The following THEMIS2 variants were observed in gnomAD, a reference collection of about 807,000 sequenced individuals.
THEMIS2 encodes the protein protein THEMIS2.
In THEMIS2, 29 loss-of-function variants were observed where a neutral mutation model predicts 46.8. That is an observed-to-expected ratio of 0.62 (90% CI 0.46 to 0.84). The LOEUF (loss-of-function observed/expected upper bound fraction) is 0.84. THEMIS2 is among the 40% of genes least tolerant of loss of function. The pLI is 0.00. For missense variants in THEMIS2, 698 were observed against 834.7 expected (o/e 0.84, Z 2.02); for synonymous variants, 335 against 349.1 (o/e 0.96, Z 0.45).
At chr1:27,884,632 CACA>C (rs1463390020) in intron 4 of THEMIS2, 1 of 152,434 alleles carries the variant, frequency 6.6e-6, no homozygotes, top group Non-Finnish European at 1.5e-5. Flanking sequence ...GCCCTGGAAC[CACA>C]ACTTTTCCCC....
Position 27,882,585 on chromosome 1 carries a change from C to T in THEMIS2, c.1261C>T (p.Leu421=). Residue 421 remains leucine (L), a synonymous_variant, in exon 4 of 6, where the codon CTG becomes TTG. Coordinates refer to ENST00000373921, the MANE Select transcript of THEMIS2 (RefSeq NM_001105556.3). This position sits in a 1 kb window ranked among gnomAD's most constrained non-coding sequence, Gnocchi z 7.6. ...GGAGGCAGAGAGCCCAGAGCGGGTC[C>T]TGCTGCCCTTCCACTTCCCTGGCAG... ...KEEAESPERV[L]LPFHFPGSFV... The T allele has an allele frequency of 6.2e-7, 1 of 1,614,190 alleles. No individual in the cohort carries two copies. The highest frequency in any genetic ancestry group is 1.3e-5 in the African/African-American group (1 of 75,042).
At chr1:27,885,252 C>A in intron 4 of THEMIS2, 43 bp from the exon 5 acceptor site, 1 of 1,604,896 alleles carries the variant, frequency 6.2e-7, no homozygotes, top group South Asian at 1.1e-5. Context: ...CTCTGCTTCC[C>A]CATTTCTTGA....
At position 27,882,615 on chromosome 1, in the gene THEMIS2, G is replaced by A. The variant is rs35995543; in HGVS notation, c.1291G>A (p.Val431Met). Residue 431 changes from valine to methionine, a missense_variant, in exon 4 of 6, where the codon GTG (valine) becomes ATG (methionine). By Grantham distance (21) the Val-to-Met change is conservative (BLOSUM62 1). Coordinates refer to ENST00000373921, the MANE Select transcript of THEMIS2 (RefSeq NM_001105556.3). This position sits in a 1 kb window ranked among gnomAD's most constrained non-coding sequence, Gnocchi z 7.6. ...GCCCTTCCACTTCCCTGGCAGTTTCGTGGAGGAGATGAGTGACAGCCGGCG... is the reference window on the plus strand; with the variant it reads ...GCCCTTCCACTTCCCTGGCAGTTTCATGGAGGAGATGAGTGACAGCCGGCG... Reference protein sequence around the residue: ...LLPFHFPGSFVEEMSDSRRYS... With the variant: ...LLPFHFPGSFMEEMSDSRRYS... The A allele has an allele frequency of 2.5e-6, 4 of 1,614,206 alleles. No homozygotes were observed. Among genetic ancestry groups the A allele is most frequent in the African/African-American group, 1.3e-5 (1 of 75,056 alleles).
rs2089511308 is a variant in THEMIS2 at position 27,872,819 on chromosome 1, C to A, written c.94+154C>A. Among the ~76,000 whole-genome samples the A allele has an allele frequency of 6.6e-6, 1 of 152,226 alleles. No homozygotes were observed. The highest frequency in any genetic ancestry group is 2.4e-5 in the African/African-American group (1 of 41,466). On this transcript the variant is annotated intron_variant, in intron 1 of 5. Coordinates refer to ENST00000373921, the MANE Select transcript of THEMIS2 (RefSeq NM_001105556.3). The surrounding 1 kb of genome is among the most constrained non-coding windows in gnomAD (Gnocchi z 4.9). ...TGTGTGATTTGGGGCCGCACTCAACCTCTTTGGACCTCGGCTTTTGCTTTC... is the reference window on the plus strand; with the variant it reads ...TGTGTGATTTGGGGCCGCACTCAACATCTTTGGACCTCGGCTTTTGCTTTC...
intron 1 of THEMIS2, among the ~76,000 whole-genome samples, chr1:27,875,185 GCCA>G (rs1557445443): frequency 6.6e-6 from 1 of 151,798 alleles, no homozygotes; most frequent in African/African-American, 2.4e-5. Flanking sequence ...CACCATGTTG[GCCA>G]GGCTGATCTC....
In THEMIS2 at chr1:27,872,563, G is replaced by A. The variant is rs1212756067; in HGVS notation, c.-9G>A. On this transcript the variant is annotated 5_prime_UTR_variant, in exon 1 of 6. Transcript: ENST00000373921. This position sits in a 1 kb window ranked among gnomAD's most constrained non-coding sequence, Gnocchi z 4.9. ...CCCCTCAGTCTGAGCCCAGAGAGCC[G>A]CGGGGACCATGGAGCCGGTGCCGCT... 11 of 1,485,176 alleles carry A rather than the reference G, an allele frequency of 7.4e-6. No individual in the cohort carries two copies. The highest frequency in any genetic ancestry group is 9.8e-6 in the Non-Finnish European group (11 of 1,120,836). The allele number at this position is 1,485,176 out of a possible 1,614,324, so 92.0% of individuals were successfully genotyped here.
chr1:27,875,708 A>T lies in THEMIS2; in HGVS notation c.95-880A>T, dbSNP rs566270162. Among the ~76,000 whole-genome samples, 342 of 145,594 alleles carry T rather than the reference A, an allele frequency of 2.3e-3. 1 individual carries two copies. The highest frequency in any genetic ancestry group is 0.014 in the Middle Eastern group (4 of 292). On this transcript the variant is annotated intron_variant, in intron 1 of 5. Transcript: ENST00000373921. ...ATTAATTAATTTATTTTTATTTATT[A>T]TTTTTTTTTTGAGACGGAGTCTCAC... is the stretch of plus-strand genomic sequence containing the variant.
intron 2 of THEMIS2, 128 bp from the exon 3 acceptor site, chr1:27,879,516 T>C: frequency 1.2e-6 from 1 of 819,538 alleles, no homozygotes. Context: ...AAATCTGTCA[T>C]TGACACCTGT....
Position 27,886,368 on chromosome 1 carries a change from A to C in THEMIS2, c.*446A>C, listed in dbSNP as rs11485. The C allele has an allele frequency of 0.022, 4,314 of 197,464 alleles. 209 individuals are homozygous for C. The highest frequency in any genetic ancestry group is 0.096 in the African/African-American group (4,060 of 42,314). The allele number at this position is 197,464 out of a possible 1,614,324, so 12.2% of individuals were successfully genotyped here. ...AGCTCTAAGCCCCCGGGAGGCCTGG[A>C]CTGTCTTCCTCATCTCTGTAGCACC... On this transcript the variant is annotated 3_prime_UTR_variant, in exon 6 of 6. Transcript: ENST00000373921.
At chr1:27,876,516 T>G (rs1271865677) in intron 1 of THEMIS2, 72 bp from the exon 2 acceptor site, 1 of 1,563,748 alleles carries the variant, frequency 6.4e-7, no homozygotes, top group Non-Finnish European at 8.7e-7. Context: ...CAGAGCTTGT[T>G]GGGCACCAGG....
chr1:27,876,713 G>T lies in THEMIS2; in HGVS notation c.220G>T (p.Ala74Ser). The change falls in exon 2 of 6, where the codon GCC (alanine) becomes TCC (serine). Residue 74 changes from alanine to serine, a missense_variant. By Grantham distance (99) the Ala-to-Ser change is moderately conservative (BLOSUM62 1). Coordinates refer to ENST00000373921, the MANE Select transcript of THEMIS2 (RefSeq NM_001105556.3). ...NPKTSQTMELAPNFQGYFTPL... is the reference protein window; with the variant it reads ...NPKTSQTMELSPNFQGYFTPL... ...GAAGACCAGCCAGACCATGGAGCTC[G>T]CCCCCAACTTCCAGGGTAAGGTGGG... The T allele has an allele frequency of 1.9e-6, 3 of 1,613,762 alleles. No individual in the cohort carries two copies. Among genetic ancestry groups the T allele is most frequent in the Non-Finnish European group, 2.5e-6 (3 of 1,179,936 alleles).
At chr1:27,885,272 G>T (rs1346997416) in intron 4 of THEMIS2, 23 bp from the exon 5 acceptor site, 1 of 1,612,126 alleles carries the variant, frequency 6.2e-7, no homozygotes, top group East Asian at 2.2e-5. Flanking sequence ...AGACCCTGAT[G>T]ATTTCTGCTT....
At chr1:27,880,715 A>C (rs1410518802) in intron 3 of THEMIS2, among the ~76,000 whole-genome samples, 1 of 152,144 alleles carries the variant, frequency 6.6e-6, no homozygotes, top group Non-Finnish European at 1.5e-5. Context: ...TGAGCCCAGG[A>C]GTTCAAGGTT....
Position 27,872,646 on chromosome 1 carries a change from C to A in THEMIS2, c.75C>A (p.Cys25Ter). ...PASLPRVLRVCSGVYFEGSIY... is the reference protein window; with the variant it reads ...PASLPRVLRV ...CCCTCCCGCGCGTGCTGCGGGTCTGCTCGGGGGTCTACTTCGAGGGTGAGC... is the reference window on the plus strand; with the variant it reads ...CCCTCCCGCGCGTGCTGCGGGTCTGATCGGGGGTCTACTTCGAGGGTGAGC... Residue 25 changes from cysteine to a stop codon, truncating the protein, a stop_gained, in exon 1 of 6, where the codon TGC becomes TGA. Transcript: ENST00000373921. LOFTEE classifies it high-confidence loss of function. This position sits in a 1 kb window ranked among gnomAD's most constrained non-coding sequence, Gnocchi z 4.9. 6.9e-7 allele frequency: 1 copy of A among 1,439,744 alleles called. No homozygotes were observed. 89.2% of individuals were successfully genotyped at this position (1,439,744 alleles called of 1,614,324 possible).
chr1:27,874,096 G>C lies in THEMIS2; in HGVS notation c.94+1431G>C, dbSNP rs182323373. ...TGCCCAGGCTGGAGTGCAGTGGCACGATACAGCTCACTGCGGCCTCGACCT... is the reference window on the plus strand; with the variant it reads ...TGCCCAGGCTGGAGTGCAGTGGCACCATACAGCTCACTGCGGCCTCGACCT... On this transcript the variant is annotated intron_variant, in intron 1 of 5. Coordinates refer to ENST00000373921, the MANE Select transcript of THEMIS2 (RefSeq NM_001105556.3). 6.3e-5 allele frequency among the ~76,000 whole-genome samples: 9 copies of C among 143,890 alleles called. No individual in the cohort carries two copies. The East Asian group carries it at 2.0e-3, about 32-fold the overall frequency. 94.4% of individuals were successfully genotyped at this position (143,890 alleles called of 152,430 possible).
chr1:27,883,331 G>A lies in THEMIS2; in HGVS notation c.1719+288G>A. ...TTGGCCATGGACAGTCTAACTCCAAGTTCATGGTGCTTTCCTCTCTCCACT... is the reference window on the plus strand; with the variant it reads ...TTGGCCATGGACAGTCTAACTCCAAATTCATGGTGCTTTCCTCTCTCCACT... On this transcript the variant is annotated intron_variant, in intron 4 of 5. Coordinates refer to ENST00000373921, the MANE Select transcript of THEMIS2 (RefSeq NM_001105556.3). 3 of 400,884 alleles carry A rather than the reference G, an allele frequency of 7.5e-6. 1 individual carries two copies. The South Asian group carries it at 1.2e-4, about 16-fold the overall frequency. The allele number at this position is 400,884 out of a possible 1,614,324, so 24.8% of individuals were successfully genotyped here.
intron 1 of THEMIS2, among the ~76,000 whole-genome samples, chr1:27,873,216 C>G (rs2089518874): frequency 6.6e-6 from 1 of 152,194 alleles, no homozygotes; most frequent in African/African-American, 2.4e-5. Context: ...CTCTCTGCTC[C>G]TTGCACGCCC....
intron 4 of THEMIS2, chr1:27,884,696 G>A (rs2089739318): frequency 6.5e-6 from 1 of 153,522 alleles, no homozygotes; most frequent in South Asian, 1.9e-4. Flanking sequence ...CGCACACTCT[G>A]TAAAGCGTGG....
chr1:27,872,715 G>A lies in THEMIS2; in HGVS notation c.94+50G>A. On this transcript the variant is annotated intron_variant, in intron 1 of 5. Transcript: ENST00000373921. This position sits in a 1 kb window ranked among gnomAD's most constrained non-coding sequence, Gnocchi z 4.9. ...GAGCACTCCCTTGGTGTGGGGCGGGGGCAGAGACCCGGAGAAGACGTTAGC... is the reference window on the plus strand; with the variant it reads ...GAGCACTCCCTTGGTGTGGGGCGGGAGCAGAGACCCGGAGAAGACGTTAGC... The A allele has an allele frequency of 8.1e-7, 1 of 1,241,986 alleles. No individual in the cohort carries two copies. The highest frequency in any genetic ancestry group is 1.6e-5 in the African/African-American group (1 of 64,414). 76.9% of individuals were successfully genotyped at this position (1,241,986 alleles called of 1,614,324 possible).
Sources: gnomAD v4.1 joint callset for allele counts (sites outside exome capture counted in the v4.1 genomes callset) on GRCh38, gnomAD v4.1.1 for gene constraint, Gnocchi (gnomAD v3.1) non-coding constraint, MANE v1.5 for transcripts, NCBI Gene and HGNC (gene_info 2026-07-23, HGNC 2026-07-21) for gene names.